The following GNMT variants were observed in gnomAD, a reference collection of about 807,000 sequenced individuals.
GNMT encodes glycine N-methyltransferase, also known as epididymis secretory sperm binding protein Li 182mP.
Under a neutral mutation model 30.2 loss-of-function variants are expected in GNMT, and 26 were observed. The ratio of observed to expected loss-of-function variants is 0.86; its 90% CI spans 0.63 to 1.19. The LOEUF is 1.19. Among genes scored for constraint, GNMT ranks in the 50% most tolerant of loss-of-function variants. The pLI, the probability that GNMT is intolerant of heterozygous loss-of-function variation, is 0.00. For missense variants in GNMT, 365 were observed against 398.1 expected, an observed-to-expected ratio of 0.92 and a Z score of 0.71; for synonymous variants, 163 against 163.8, an observed-to-expected ratio of 1.00 and a Z score of 0.04.
In GNMT at chr6:42,960,971, T is replaced by G. The variant is rs1769351575; in HGVS notation, c.204T>G (p.Thr68=). The G allele has an allele frequency of 2.6e-6, 4 of 1,553,242 alleles. No individual in the cohort carries two copies. In the South Asian group the frequency reaches 3.5e-5, roughly 14 times the overall value. Residue 68 remains threonine (T), a splice_region_variant and synonymous_variant, in exon 1 of 6, where the codon ACT becomes ACG. Transcript: ENST00000372808. ...CQRVLDVACG[T]GVDSIMLVEE... is the part of the protein sequence containing the mutation. Reference sequence around the variant, plus strand: ...GGGTGCTCGACGTAGCCTGTGGCACTGGGTGAGCCCAGGCCGGGGCCGGGG... The same window carrying G: ...GGGTGCTCGACGTAGCCTGTGGCACGGGGTGAGCCCAGGCCGGGGCCGGGG...
intron 2 of GNMT, 65 bp downstream of exon 2, chr6:42,962,404 C>G: frequency 6.4e-7 from 1 of 1,563,542 alleles, no homozygotes; most frequent in Non-Finnish European, 8.8e-7. Context: ...CTGCCTGGGG[C>G]TCCTTTAAGT....
rs763777365 is a variant in GNMT, at chr6:42,962,778, C to T, written c.351C>T (p.Asn117=). 2.5e-5 allele frequency: 41 copies of T among 1,613,590 alleles called. No individual in the cohort carries two copies. The highest frequency in any genetic ancestry group is 3.3e-5 in the Non-Finnish European group (39 of 1,179,576). Residue 117 remains asparagine (N), a synonymous_variant, in exon 3 of 6, where the codon AAC becomes AAT. Coordinates refer to ENST00000372808, the MANE Select transcript of GNMT (RefSeq NM_018960.6). Reference sequence around the variant, plus strand: ...GACCCCTAGTCATCGAAGAAGCCAACTGGATGACTCTGGACAAAGATGTGC... The same window carrying T: ...GACCCCTAGTCATCGAAGAAGCCAATTGGATGACTCTGGACAAAGATGTGC... ...AFDKWVIEEA[N]WMTLDKDVPQ... is the part of the protein sequence containing the mutation.
rs1035886235 is a variant in GNMT at position 42,961,752 on chromosome 6, G to A, written c.207-460G>A. 3.3e-5 allele frequency among the ~76,000 whole-genome samples: 5 copies of A among 151,776 alleles called. No individual in the cohort carries two copies. In the East Asian group the frequency reaches 5.8e-4, roughly 18 times the overall value. ...GTATTTTTAGTAGAGACGGGGTTTC[G>A]CCGTGTTAGCCAGGATGGTCTCGAT... On this transcript the variant is annotated intron_variant, in intron 1 of 5. Coordinates refer to ENST00000372808, the MANE Select transcript of GNMT (RefSeq NM_018960.6).
At position 42,963,847 on chromosome 6, in the gene GNMT, A is replaced by C; in HGVS notation, c.*141A>C. The C allele has an allele frequency of 2.6e-6, 2 of 768,724 alleles. No homozygotes were observed. The highest frequency in any genetic ancestry group is 4.0e-5 in the Admixed American group (2 of 50,120). The allele number at this position is 768,724 out of a possible 1,614,324, so 47.6% of individuals were successfully genotyped here. ...CAGGGATGTGGGTTCCACAGACGGA[A>C]GGGTAAACAATATAGTCTTTTTCAG... On this transcript the variant is annotated 3_prime_UTR_variant, in exon 6 of 6. Coordinates refer to ENST00000372808, the MANE Select transcript of GNMT (RefSeq NM_018960.6).
In GNMT at chr6:42,963,764, A is replaced by G; in HGVS notation, c.*58A>G. 2.6e-6 allele frequency: 4 copies of G among 1,562,204 alleles called. 1 individual carries two copies. In the South Asian group the frequency reaches 4.5e-5, roughly 17 times the overall value. ...GGCACTGCTAGGCTCTGTCTGGAAG[A>G]TGGGGACCAGCAGCCCCACACCAGG... On this transcript the variant is annotated 3_prime_UTR_variant, in exon 6 of 6. Transcript: ENST00000372808.
chr6:42,961,548 C>CTTTTT (rs1769384890), intron 1 of GNMT, among the ~76,000 whole-genome samples: 1 of 99,614 alleles, frequency 1.0e-5, no homozygotes, highest in Admixed American at 1.1e-4. Context: ...CTCTATTTTT[C>CTTTTT]TCTTTTTTTT....
Position 42,960,865 on chromosome 6 carries a change from TG to T in GNMT, c.99del (p.Tyr34IlefsTer31). The T allele has an allele frequency of 6.4e-7, 1 of 1,555,638 alleles. No homozygotes were observed. Among genetic ancestry groups the T allele is most frequent in the Non-Finnish European group, 8.7e-7 (1 of 1,153,398 alleles). ...ADGEAARVWQ[L>X]YIGDTRSRTA... ...GGGGAGGCGGCGCGCGTGTGGCAGC[TG>T]TATATCGGAGACACCCGCAGCCGCA... On this transcript the variant is annotated frameshift_variant, in exon 1 of 6. Transcript: ENST00000372808. LOFTEE classifies it high-confidence loss of function.
Position 42,960,812 on chromosome 6 carries a change from C to A in GNMT, c.45C>A (p.Ala15=), listed in dbSNP as rs1386548678. 6.4e-7 allele frequency: 1 copy of A among 1,556,506 alleles called. No individual in the cohort carries two copies. ...GGACCCGCTCCCTGGGGGTGGCGGC[C>A]GAAGGGCTCCCGGACCAGTACGCGG... ...VYRTRSLGVA[A]EGLPDQYADG... is the part of the protein sequence containing the mutation. Residue 15 remains alanine, a synonymous_variant, in exon 1 of 6, where the codon GCC becomes GCA. Transcript: ENST00000372808.
At chr6:42,961,755 G>A (rs941004614) in intron 1 of GNMT, among the ~76,000 whole-genome samples, 4 of 151,890 alleles carry the variant, frequency 2.6e-5, no homozygotes, top group Non-Finnish European at 5.9e-5. Flanking sequence ...GGGTTTCGCC[G>A]TGTTAGCCAG....
chr6:42,960,842 G>C lies in GNMT; in HGVS notation c.75G>C (p.Gly25=). The stretch of plus-strand genomic sequence containing the variant: ...GGCTCCCGGACCAGTACGCGGACGG[G>C]GAGGCGGCGCGCGTGTGGCAGCTGT... ...AEGLPDQYAD[G]EAARVWQLYI... Residue 25 remains glycine, a synonymous_variant, in exon 1 of 6, where the codon GGG becomes GGC. Coordinates refer to ENST00000372808, the MANE Select transcript of GNMT (RefSeq NM_018960.6). 1 of 1,557,060 alleles carries C rather than the reference G, an allele frequency of 6.4e-7. No individual in the cohort carries two copies. Among genetic ancestry groups the C allele is most frequent in the African/African-American group, 1.4e-5 (1 of 73,718 alleles).
Position 42,962,756 on chromosome 6 carries a change from C to T in GNMT, c.335-6C>T, listed in dbSNP as rs1340255337. On this transcript the variant is annotated splice_polypyrimidine_tract_variant and splice_region_variant and intron_variant, in intron 2 of 5. Coordinates refer to ENST00000372808, the MANE Select transcript of GNMT (RefSeq NM_018960.6). ...CCTGATTCCTCTTTCTCTTCCTGAC[C>T]CCTAGTCATCGAAGAAGCCAACTGG... 1 of 1,599,966 alleles carries T rather than the reference C, an allele frequency of 6.3e-7. No homozygotes were observed.
chr6:42,963,752 T>C lies in GNMT; in HGVS notation c.*46T>C. On this transcript the variant is annotated 3_prime_UTR_variant, in exon 6 of 6. Transcript: ENST00000372808. ...AGCCTCTGCCCAGGCACTGCTAGGC[T>C]CTGTCTGGAAGATGGGGACCAGCAG... is the stretch of plus-strand genomic sequence containing the variant. 6.3e-7 allele frequency: 1 copy of C among 1,589,864 alleles called. No homozygotes were observed. Among genetic ancestry groups the C allele is most frequent in the South Asian group, 1.1e-5 (1 of 90,470 alleles).
At chr6:42,961,315 G>T (rs1212509318) in intron 1 of GNMT, among the ~76,000 whole-genome samples, 1 of 152,178 alleles carries the variant, frequency 6.6e-6, no homozygotes, top group Non-Finnish European at 1.5e-5. Context: ...GCCTTGGGCA[G>T]TGTTAACAGT....
At chr6:42,961,049 C>G in intron 1 of GNMT, 76 bp downstream of exon 1, 1 of 1,254,366 alleles carries the variant, frequency 8.0e-7, no homozygotes, top group African/African-American at 1.5e-5. Flanking sequence ...GCCGCAGAAC[C>G]ACAGGGCCGG....
Position 42,962,346 on chromosome 6 carries a change from A to G in GNMT, c.334+7A>G. On this transcript the variant is annotated splice_region_variant and intron_variant, in intron 2 of 5. Coordinates refer to ENST00000372808, the MANE Select transcript of GNMT (RefSeq NM_018960.6). ...CCCGCCTTCGACAAGTGGGGTATGC[A>G]GGTCTAGCCAGGCTCCCCCAGCCCA... 1 of 1,613,802 alleles carries G rather than the reference A, an allele frequency of 6.2e-7. No individual in the cohort carries two copies. Among genetic ancestry groups the G allele is most frequent in the South Asian group, 1.1e-5 (1 of 91,066 alleles).
rs745619141 is a variant in GNMT at position 42,960,880 on chromosome 6, C to G, written c.113C>G (p.Thr38Ser). The G allele has an allele frequency of 6.9e-5, 107 of 1,553,902 alleles. No individual in the cohort carries two copies. Among genetic ancestry groups the G allele is most frequent in the Non-Finnish European group, 8.9e-5 (103 of 1,152,988 alleles). Residue 38 changes from threonine (T) to serine (S), a missense_variant, in exon 1 of 6, where the codon ACC becomes AGC. This residue lies in a region of GNMT where 125 missense variants were observed against 112.0 expected (regional missense o/e 1.12). Coordinates refer to ENST00000372808, the MANE Select transcript of GNMT (RefSeq NM_018960.6). Reference protein sequence around the residue: ...ARVWQLYIGDTRSRTAEYKAW... With the variant: ...ARVWQLYIGDSRSRTAEYKAW... ...GTGTGGCAGCTGTATATCGGAGACA[C>G]CCGCAGCCGCACCGCCGAGTACAAG...
Position 42,962,323 on chromosome 6 carries a change from C to A in GNMT, c.318C>A (p.Pro106=), listed in dbSNP as rs570113198. The A allele has an allele frequency of 6.2e-7, 1 of 1,614,078 alleles. No individual in the cohort carries two copies. Among genetic ancestry groups the A allele is most frequent in the Non-Finnish European group, 8.5e-7 (1 of 1,180,028 alleles). ...LKERWNRRHE[P]AFDKWVIEEA... ...AGCGCTGGAACCGGCGGCACGAGCCCGCCTTCGACAAGTGGGGTATGCAGG... is the reference window on the plus strand; with the variant it reads ...AGCGCTGGAACCGGCGGCACGAGCCAGCCTTCGACAAGTGGGGTATGCAGG... Residue 106 remains proline, a synonymous_variant, in exon 2 of 6, where the codon CCC becomes CCA. Transcript: ENST00000372808.
intron 2 of GNMT, 29 bp from the exon 3 acceptor site, chr6:42,962,733 T>C: frequency 6.6e-7 from 1 of 1,511,410 alleles, no homozygotes; most frequent in Middle Eastern, 1.7e-4. Flanking sequence ...CGTGCCTCCC[T>C]GATTCCTCTT....
intron 2 of GNMT, 123 bp downstream of exon 2, chr6:42,962,462 T>A: frequency 9.5e-7 from 1 of 1,053,646 alleles, no homozygotes; most frequent in Non-Finnish European, 1.4e-6. Context: ...ACAGAAAAAT[T>A]ACTGTCATTT....
Sources: allele counts gnomAD v4.1 joint callset (sites outside exome capture counted in the v4.1 genomes callset), GRCh38; gene constraint gnomAD v4.1.1; regional missense constraint gnomAD v4.1.1; transcripts MANE v1.5; gene names NCBI Gene and HGNC (gene_info 2026-07-23, HGNC 2026-07-21).